CYP27C1: variants seen among roughly 807,000 people sequenced by gnomAD.
CYP27C1 encodes cytochrome P450 27C1.
CYP27C1 carries 29 observed loss-of-function variants against 40.6 expected under a neutral mutation model. That is an observed-to-expected ratio of 0.71 (90% CI 0.53 to 0.97). The LOEUF is 0.97. Ranked by LOEUF, CYP27C1 falls within the 50% of genes least tolerant of loss-of-function variation. The probability of loss-of-function intolerance (pLI) is 0.00; values close to 1 mark genes in which losing one functional copy is unlikely to be tolerated. For synonymous variants in CYP27C1, 198 were observed against 186.8 expected (o/e 1.06, Z -0.49); for missense variants, 390 against 485.8 (o/e 0.80, Z 1.85).
intron 8 of CYP27C1, among the ~76,000 whole-genome samples, chr2:127,190,267 A>G (rs533411281): frequency 4.1e-4 from 62 of 151,960 alleles, no homozygotes; most frequent in African/African-American, 1.5e-3. Flanking sequence ...TGATTAAAAA[A>G]AAATAAACTC....
intron 8 of CYP27C1, among the ~76,000 whole-genome samples, chr2:127,191,922 C>T (rs1165676875): frequency 7.9e-5 from 12 of 152,236 alleles, no homozygotes; most frequent in Admixed American, 7.8e-4. Context: ...AGAGCCAGCC[C>T]TGAGCCAGTG....
At chr2:127,216,556 G>T (rs916310253) in intron 1 of CYP27C1, among the ~76,000 whole-genome samples, 2 of 152,138 alleles carry the variant, frequency 1.3e-5, no homozygotes, top group Admixed American at 6.5e-5. Flanking sequence ...GAATAGGAGA[G>T]TTGGGGGTGA....
At chr2:127,198,452 G>A (rs1453952521) in intron 5 of CYP27C1, among the ~76,000 whole-genome samples, 1 of 152,042 alleles carries the variant, frequency 6.6e-6, no homozygotes, top group Non-Finnish European at 1.5e-5. Context: ...TACAAATCAG[G>A]AATGATTTGT....
Position 127,187,969 on chromosome 2 carries a change from T to G in CYP27C1, c.1498-582A>C, listed in dbSNP as rs554555885. 1.5e-3 allele frequency among the ~76,000 whole-genome samples: 228 copies of G among 152,332 alleles called. 2 individuals are homozygous for G. Among genetic ancestry groups the G allele is most frequent in the African/African-American group, 5.2e-3 (215 of 41,582 alleles). On this transcript the variant is annotated intron_variant, in intron 8 of 8. Transcript: ENST00000664447. Reference sequence around the variant, plus strand: ...CCTGCCTCCCAGGGTAAAACTGGAATGTACCTACACGGTGAGTTTGAAAGA... The same window carrying G: ...CCTGCCTCCCAGGGTAAAACTGGAAGGTACCTACACGGTGAGTTTGAAAGA...
chr2:127,214,443 G>C (rs972343690), intron 1 of CYP27C1, among the ~76,000 whole-genome samples: 1 of 152,146 alleles, frequency 6.6e-6, no homozygotes, highest in Non-Finnish European at 1.5e-5. Flanking sequence ...CGATAGACTG[G>C]TTAAAGAAAA....
At chr2:127,188,171 G>A (rs1207901927) in intron 8 of CYP27C1, among the ~76,000 whole-genome samples, 2 of 152,186 alleles carry the variant, frequency 1.3e-5, no homozygotes, top group African/African-American at 4.8e-5. Context: ...AGATGAGCTG[G>A]CAATACCATA....
intron 1 of CYP27C1, among the ~76,000 whole-genome samples, chr2:127,213,169 G>A (rs984843807): frequency 1.3e-5 from 2 of 152,104 alleles, no homozygotes; most frequent in Non-Finnish European, 2.9e-5. Context: ...AATAAGAGAG[G>A]ACACAAACAA....
rs1558931056 is a variant in CYP27C1, at chr2:127,204,483, AGAAAGGAAGGAAG to A, written c.474-925_474-913del. On this transcript the variant is annotated intron_variant, in intron 2 of 8. Transcript: ENST00000664447. ...AAGAAAGAAAGAAAGAAAGAAAGAA[AGAAAGGAAGGAAG>A]GAAGGAAGGAAAGAAAGAAGGAAAG... Among the ~76,000 whole-genome samples, 22 of 81,214 alleles carry A rather than the reference AGAAAGGAAGGAAG, an allele frequency of 2.7e-4. 1 individual carries two copies. Among genetic ancestry groups the A allele is most frequent in the East Asian group, 1.1e-3 (2 of 1,894 alleles). The allele number at this position is 81,214 out of a possible 152,430, so 53.3% of individuals were successfully genotyped here.
At chr2:127,193,018 C>G in intron 8 of CYP27C1, 76 bp downstream of exon 8, 2 of 1,551,912 alleles carry the variant, frequency 1.3e-6, no homozygotes, top group Non-Finnish European at 8.8e-7. Context: ...GCTTTTCAAC[C>G]TGGAAGTCTT....
chr2:127,195,679 CAAATAAAT>C lies in CYP27C1; in HGVS notation c.1048-186_1048-179del, dbSNP rs534366187. Among the ~76,000 whole-genome samples the C allele has an allele frequency of 6.6e-6, 1 of 152,004 alleles. No homozygotes were observed. The highest frequency in any genetic ancestry group is 2.4e-5 in the African/African-American group (1 of 41,368). On this transcript the variant is annotated intron_variant, in intron 5 of 8. Coordinates refer to ENST00000664447, the MANE Select transcript of CYP27C1 (RefSeq NM_001367502.1). The surrounding 1 kb of genome is among the most constrained non-coding windows in gnomAD (Gnocchi z 6.2). ...GAAAGACTGTTTCCTTAATTCATGGCAAATAAATAAATAAATAAATAACTGAACGTATT... is the reference window on the plus strand; with the variant it reads ...GAAAGACTGTTTCCTTAATTCATGGCAAATAAATAAATAACTGAACGTATT...
rs1026040444 is a variant in CYP27C1, at chr2:127,201,159, C to G, written c.846G>C (p.Arg282=). ...WLRPFIPKPW[R]EFCRSWDGLF... ...GTCCATCCCAGGACCTGCAGAATTC[C>G]CGCCAGGGCTTTGGGATGAAGGGGC... The change falls in exon 4 of 9, where the codon CGG becomes CGC. Residue 282 remains arginine, a synonymous_variant. Transcript: ENST00000664447. This position sits in a 1 kb window ranked among gnomAD's most constrained non-coding sequence, Gnocchi z 6.0. The G allele has an allele frequency of 3.1e-6, 5 of 1,613,828 alleles. No homozygotes were observed. In the African/African-American group the frequency reaches 6.7e-5, roughly 22 times the overall value.
At chr2:127,205,755 G>A in intron 2 of CYP27C1, 145 bp downstream of exon 2, 2 of 985,450 alleles carry the variant, frequency 2.0e-6, no homozygotes, top group Non-Finnish European at 2.4e-6. Context: ...CTGGGAGATC[G>A]CACAAGGAGA....
At chr2:127,204,794 A>T (rs1573902556) in intron 2 of CYP27C1, among the ~76,000 whole-genome samples, 1 of 152,128 alleles carries the variant, frequency 6.6e-6, no homozygotes, top group East Asian at 1.9e-4. Context: ...TGGAGGTCTG[A>T]GGAGTGTTCT....
chr2:127,201,243 C>T lies in CYP27C1; in HGVS notation c.762G>A (p.Glu254=), dbSNP rs1353948235. ...AGGTCTTGAACATGCTAAACATGAG[C>T]TCCAGGGCCTCGATGTATTCCACAG... ...QLTVEYIEAL[E]LMFSMFKTSM... The change falls in exon 4 of 9, where the codon GAG becomes GAA. Residue 254 remains glutamate, a synonymous_variant. Coordinates refer to ENST00000664447, the MANE Select transcript of CYP27C1 (RefSeq NM_001367502.1). The surrounding 1 kb of genome is among the most constrained non-coding windows in gnomAD (Gnocchi z 6.0). 6.2e-7 allele frequency: 1 copy of T among 1,614,174 alleles called. No individual in the cohort carries two copies. Among genetic ancestry groups the T allele is most frequent in the Non-Finnish European group, 8.5e-7 (1 of 1,180,040 alleles).
chr2:127,206,329 G>A (rs1683230181), intron 1 of CYP27C1, among the ~76,000 whole-genome samples: 1 of 151,978 alleles, frequency 6.6e-6, no homozygotes. Flanking sequence ...GTTTTTTAGA[G>A]ACAGGGTCTT....
At chr2:127,187,629 G>T (rs750777060) in intron 8 of CYP27C1, among the ~76,000 whole-genome samples, 11 of 152,186 alleles carry the variant, frequency 7.2e-5, no homozygotes, top group Non-Finnish European at 1.5e-4. Context: ...CTGGGCAGCC[G>T]GTGGGACAGA....
At chr2:127,204,490 AAGGAAGGAAGGAAG>A (rs1683146719) in intron 2 of CYP27C1, among the ~76,000 whole-genome samples, 4 of 53,016 alleles carry the variant, frequency 7.5e-5, no homozygotes, top group Non-Finnish European at 1.5e-4. Flanking sequence ...GAAAGAAAGG[AAGGAAGGAAGGAAG>A]GAAAGAAAGA....
chr2:127,204,551 GAGAGAGAAAGAAAGAAAGAAAGAAAGAA>G (rs1683165083), intron 2 of CYP27C1, among the ~76,000 whole-genome samples: 2 of 51,244 alleles, frequency 3.9e-5, no homozygotes, highest in African/African-American at 6.8e-5. Context: ...GAGAGAGAGA[GAGAGAGAAAGAAAGAAAGAAAGAAAGAA>G]AGAAAGAAAG....
intron 8 of CYP27C1, among the ~76,000 whole-genome samples, chr2:127,191,849 G>A (rs1558925490): frequency 6.6e-6 from 1 of 152,216 alleles, no homozygotes; most frequent in Non-Finnish European, 1.5e-5. Context: ...ACACAAAGGT[G>A]GGATGGCCAC....
Sources: allele counts gnomAD v4.1 joint callset (sites outside exome capture counted in the v4.1 genomes callset), GRCh38; gene constraint gnomAD v4.1.1; non-coding constraint Gnocchi (gnomAD v3.1); transcripts MANE v1.5; gene names NCBI Gene and HGNC (gene_info 2026-07-23, HGNC 2026-07-21).